Variants in OR3A2 observed in about 807,000 individuals in gnomAD.
The protein encoded by OR3A2 is olfactory receptor family 3 subfamily A member 2.
For missense variants in OR3A2, 318 were observed against 392.8 expected (o/e 0.81, Z 1.61); for synonymous variants, 126 against 159.3 (o/e 0.79, Z 1.57).
chr17:3,300,747 T>C (rs9908690), intron 3 of OR3A2, among the ~76,000 whole-genome samples: 1,929 of 152,014 alleles, frequency 0.013, 29 homozygotes, highest in African/African-American at 0.043. Context: ...AATGTGCAGG[T>C]TTGTTACATA....
chr17:3,300,552 C>T (rs2048954405), intron 3 of OR3A2, among the ~76,000 whole-genome samples: 1 of 151,884 alleles, frequency 6.6e-6, no homozygotes, highest in Non-Finnish European at 1.5e-5. Flanking sequence ...GAGTGAGAAT[C>T]GGTCTCAAAA....
intron 1 of OR3A2, among the ~76,000 whole-genome samples, chr17:3,281,530 G>T (rs538232342): frequency 1.4e-4 from 21 of 152,186 alleles, no homozygotes; most frequent in African/African-American, 4.8e-4. Context: ...CACCGCGCCC[G>T]GCAGCATCAG....
At chr17:3,279,604 T>A (rs1473150160) in intron 1 of OR3A2, among the ~76,000 whole-genome samples, 1 of 152,112 alleles carries the variant, frequency 6.6e-6, no homozygotes, top group Non-Finnish European at 1.5e-5. Context: ...GACCAGCCTG[T>A]CCAACATGGT....
At chr17:3,287,537 T>C (rs2048824762), upstream of OR3A2, among the ~76,000 whole-genome samples, 1 of 152,368 alleles carries the variant, frequency 6.6e-6, no homozygotes, top group East Asian at 1.9e-4. Flanking sequence ...CGTCTGTTAG[T>C]GTCAACATCT....
Position 3,343,149 on chromosome 17 carries a change from C to G in OR3A2, c.-178-7023G>C, listed in dbSNP as rs188167618. 3.7e-3 allele frequency among the ~76,000 whole-genome samples: 559 copies of G among 152,276 alleles called. 3 individuals are homozygous for G. The highest frequency in any genetic ancestry group is 0.013 in the African/African-American group (541 of 41,550). The stretch of plus-strand genomic sequence containing the variant: ...CTAGGTTGCAGTGTCCCGATTTTCC[C>G]GGTACAGTCTGTCATGGCTTCCCTT... On this transcript the variant is annotated intron_variant, in intron 2 of 4. Transcript: ENST00000573491.
intron 2 of OR3A2, among the ~76,000 whole-genome samples, chr17:3,378,630 C>G (rs1467242777): frequency 6.6e-6 from 1 of 152,138 alleles, no homozygotes; most frequent in African/African-American, 2.4e-5. Context: ...GCAGCCCTGG[C>G]CGCACCTCCC....
At chr17:3,365,046 C>T (rs1386143704) in intron 2 of OR3A2, among the ~76,000 whole-genome samples, 1 of 151,906 alleles carries the variant, frequency 6.6e-6, no homozygotes, top group Non-Finnish European at 1.5e-5. Flanking sequence ...TAATGATGAC[C>T]AGAGCAAACC....
Position 3,311,593 on chromosome 17 carries a change from C to T in OR3A2, c.-85+24440G>A. 1 of 402,346 alleles carries T rather than the reference C, an allele frequency of 2.5e-6. No homozygotes were observed. 24.9% of individuals were successfully genotyped at this position (402,346 alleles called of 1,614,324 possible). On this transcript the variant is annotated intron_variant, in intron 3 of 4. Transcript: ENST00000573491. This position sits in a 1 kb window ranked among gnomAD's most constrained non-coding sequence, Gnocchi z 4.6. The stretch of plus-strand genomic sequence containing the variant: ...CATCCACCTCAATGGGCAGCTGCTG[C>T]TTGTGGGGGCCACCTTCATAGGAGT...
At chr17:3,354,137 T>A (rs767049098) in intron 2 of OR3A2, among the ~76,000 whole-genome samples, 5 of 151,852 alleles carry the variant, frequency 3.3e-5, no homozygotes, top group African/African-American at 4.8e-5. Context: ...GGCCTGTAGT[T>A]GTTGTTGTTG....
exon 2 of OR3A2, chr17:3,278,556 A>G: frequency 1.2e-6 from 2 of 1,612,526 alleles, no homozygotes; most frequent in Non-Finnish European, 8.5e-7. Context: ...GTCATAGGCC[A>G]TGGCGGTCAG....
chr17:3,332,238 C>A (rs1310939224), intron 3 of OR3A2, among the ~76,000 whole-genome samples: 1 of 152,242 alleles, frequency 6.6e-6, no homozygotes, highest in African/African-American at 2.4e-5. Context: ...GTGGGCTCCA[C>A]CCAGTTCGAG....
At position 3,330,251 on chromosome 17, in the gene OR3A2, A is replaced by T. The variant is rs192551267; in HGVS notation, c.-85+5782T>A. On this transcript the variant is annotated intron_variant, in intron 3 of 4. Coordinates refer to the OR3A2 transcript ENST00000573491. ...GTTGGCTTGGTGCAGAGCTGAGTTC[A>T]ATTCCTGGGTATCCTTGTTGACTTT... Among the ~76,000 whole-genome samples, 706 of 151,674 alleles carry T rather than the reference A, an allele frequency of 4.7e-3. 23 individuals carry two copies. The highest frequency in any genetic ancestry group is 0.042 in the Admixed American group (637 of 15,214).
chr17:3,365,443 A>G (rs1032587454), intron 2 of OR3A2, among the ~76,000 whole-genome samples: 1 of 152,224 alleles, frequency 6.6e-6, no homozygotes, highest in Non-Finnish European at 1.5e-5. Context: ...TGAGTTTGTC[A>G]CCTTTTGCCC....
At chr17:3,292,412 T>A in intron 3 of OR3A2, 2 of 1,612,106 alleles carry the variant, frequency 1.2e-6, no homozygotes, top group East Asian at 4.5e-5. Context: ...GGGTGTGGAG[T>A]TTGGGCTCCA....
chr17:3,386,016 G>T, intron 1 of OR3A2, 109 bp downstream of exon 1: 1 of 398,660 alleles, frequency 2.5e-6, no homozygotes, highest in Non-Finnish European at 4.4e-6. Context: ...TGCTGTTCCT[G>T]CTCTGCCTTG....
At chr17:3,361,778 G>C (rs577489936) in intron 2 of OR3A2, among the ~76,000 whole-genome samples, 1 of 151,750 alleles carries the variant, frequency 6.6e-6, no homozygotes, top group South Asian at 2.1e-4. Flanking sequence ...AGTTGATCGA[G>C]GTGGATACGC....
chr17:3,298,195 C>T (rs139843091), intron 3 of OR3A2: 56 of 152,146 alleles, frequency 3.7e-4, no homozygotes, highest in African/African-American at 1.2e-3. Flanking sequence ...TATAACCCAA[C>T]AAGAGTCTAG....
At chr17:3,370,618 C>T (rs1478111331) in intron 2 of OR3A2, among the ~76,000 whole-genome samples, 1 of 141,356 alleles carries the variant, frequency 7.1e-6, no homozygotes, top group Non-Finnish European at 1.5e-5. Context: ...CTTAGATTGT[C>T]TATTTGTTCT....
chr17:3,282,528 G>A (rs144916494), intron 1 of OR3A2, among the ~76,000 whole-genome samples: 6 of 152,210 alleles, frequency 3.9e-5, no homozygotes, highest in East Asian at 3.8e-4. Context: ...TCGATGACCA[G>A]CCTTCCAAAT....
Sources: allele counts gnomAD v4.1 joint callset (sites outside exome capture counted in the v4.1 genomes callset), GRCh38; gene constraint gnomAD v4.1.1; non-coding constraint Gnocchi (gnomAD v3.1); transcripts MANE v1.5; gene names NCBI Gene and HGNC (gene_info 2026-07-23, HGNC 2026-07-21).